Variants in PPFIA2 observed in about 807,000 individuals in gnomAD.
The protein encoded by PPFIA2 is liprin-alpha-2.
A neutral mutation model predicts 175.5 loss-of-function variants in PPFIA2; 46 were observed. The ratio of observed to expected loss-of-function variants is 0.26; its 90% CI spans 0.21 to 0.34. The LOEUF is 0.34. PPFIA2 is among the 10% of genes least tolerant of loss of function. PPFIA2 has a pLI of 1.00. For missense variants in PPFIA2, 1,179 were observed against 1,506.1 expected, an observed-to-expected ratio of 0.78 and a Z score of 3.60; for synonymous variants, 568 against 511.4, an observed-to-expected ratio of 1.11 and a Z score of -1.49.
chr12:81,412,797 T>G (rs924977726), intron 7 of PPFIA2, among the ~76,000 whole-genome samples: 1 of 152,078 alleles, frequency 6.6e-6, no homozygotes, highest in East Asian at 1.9e-4. Flanking sequence ...AAATTTGATG[T>G]ACATTAAACA....
intron 4 of PPFIA2, among the ~76,000 whole-genome samples, chr12:81,591,739 G>A (rs1272103154): frequency 6.6e-6 from 1 of 152,174 alleles, no homozygotes; most frequent in Admixed American, 6.5e-5. Flanking sequence ...AAGAATTGAG[G>A]TTTGGGACCT....
intron 16 of PPFIA2, among the ~76,000 whole-genome samples, chr12:81,356,934 T>C (rs1278332980): frequency 6.6e-6 from 1 of 152,146 alleles, no homozygotes; most frequent in Non-Finnish European, 1.5e-5. Flanking sequence ...ATACAAGAAA[T>C]CTTCCATTTG....
At chr12:81,296,362 G>A (rs142393777) in intron 23 of PPFIA2, among the ~76,000 whole-genome samples, 6 of 152,248 alleles carry the variant, frequency 3.9e-5, no homozygotes, top group African/African-American at 9.6e-5. Context: ...CAACTTTGCT[G>A]TGAGACTCTT....
intron 8 of PPFIA2, among the ~76,000 whole-genome samples, chr12:81,393,256 T>C (rs1203520087): frequency 6.6e-6 from 1 of 152,090 alleles, no homozygotes; most frequent in African/African-American, 2.4e-5. Flanking sequence ...TCTGTATAGT[T>C]TGAAGAGATG....
chr12:81,384,026 C>T lies in PPFIA2; in HGVS notation c.981G>A (p.Arg327=). ...GAAAGTGGCATGAATCACTTACCTC[C>T]CTAATGTCCCTTTGATACTTGGTGT... The part of the protein sequence containing the change: ...EMNTKYQRDI[R]EAMAQKEDME... Residue 327 remains arginine, a synonymous_variant, in exon 9 of 33, where the codon AGG becomes AGA. Transcript: ENST00000549396. The T allele has an allele frequency of 6.2e-7, 1 of 1,607,530 alleles. No homozygotes were observed. Among genetic ancestry groups the T allele is most frequent in the Non-Finnish European group, 8.5e-7 (1 of 1,174,746 alleles).
At chr12:81,495,130 T>A (rs917655157) in intron 4 of PPFIA2, among the ~76,000 whole-genome samples, 1 of 152,070 alleles carries the variant, frequency 6.6e-6, no homozygotes, top group Non-Finnish European at 1.5e-5. Flanking sequence ...AAGTGTCGTT[T>A]AGGACATCAG....
At chr12:81,626,530 T>C (rs10862331) in intron 4 of PPFIA2, among the ~76,000 whole-genome samples, 69,071 of 151,816 alleles carry the variant, frequency 0.45, 16,870 homozygotes, top group Middle Eastern at 0.58. Context: ...AATTTATCTC[T>C]TGTGCTGTTT....
chr12:81,755,172 G>C (rs1409601680), intron 2 of PPFIA2, among the ~76,000 whole-genome samples: 1 of 152,108 alleles, frequency 6.6e-6, no homozygotes, highest in African/African-American at 2.4e-5. Flanking sequence ...TAAACGAACT[G>C]TTTTCAGAAT....
intron 4 of PPFIA2, among the ~76,000 whole-genome samples, chr12:81,460,642 CCT>C (rs1461214247): frequency 6.6e-6 from 1 of 152,062 alleles, no homozygotes; most frequent in African/African-American, 2.4e-5. Flanking sequence ...TAACACTTTT[CCT>C]CTGACAGTTC....
chr12:81,303,762 C>A (rs958998291), intron 22 of PPFIA2, among the ~76,000 whole-genome samples: 1 of 152,108 alleles, frequency 6.6e-6, no homozygotes, highest in African/African-American at 2.4e-5. Context: ...AAAGGGTGTG[C>A]AGTCAAGAAA....
At chr12:81,718,668 T>C (rs111267745) in intron 3 of PPFIA2, among the ~76,000 whole-genome samples, 3 of 151,686 alleles carry the variant, frequency 2.0e-5, no homozygotes, top group African/African-American at 4.8e-5. Context: ...CTAAAATGTA[T>C]GGAAAGTGAC....
chr12:81,271,055 T>G (rs1270183393), intron 28 of PPFIA2, among the ~76,000 whole-genome samples: 1 of 152,200 alleles, frequency 6.6e-6, no homozygotes, highest in Non-Finnish European at 1.5e-5. Flanking sequence ...GTTTTCTATG[T>G]TCTTATATTG....
At chr12:81,520,349 G>A (rs1232605269) in intron 4 of PPFIA2, among the ~76,000 whole-genome samples, 1 of 152,108 alleles carries the variant, frequency 6.6e-6, no homozygotes, top group Non-Finnish European at 1.5e-5. Flanking sequence ...TACTCTGAAT[G>A]GTGGGTAGCA....
chr12:81,566,554 A>T (rs1313913481), intron 4 of PPFIA2, among the ~76,000 whole-genome samples: 1 of 143,532 alleles, frequency 7.0e-6, no homozygotes, highest in Non-Finnish European at 1.5e-5. Flanking sequence ...AAAAAAAAAG[A>T]AAAGAAAAGA....
chr12:81,479,945 G>A (rs1157576804), intron 4 of PPFIA2, among the ~76,000 whole-genome samples: 7 of 151,432 alleles, frequency 4.6e-5, no homozygotes, highest in African/African-American at 1.7e-4. Context: ...GAATTTGAAT[G>A]TTTGGCCTGT....
chr12:81,314,187 T>C (rs1205526810), intron 22 of PPFIA2, among the ~76,000 whole-genome samples: 2 of 151,932 alleles, frequency 1.3e-5, no homozygotes, highest in East Asian at 1.9e-4. Context: ...TCTATAGTTA[T>C]AAATGACCCA....
chr12:81,504,815 T>C (rs965684088), intron 4 of PPFIA2, among the ~76,000 whole-genome samples: 1 of 152,060 alleles, frequency 6.6e-6, no homozygotes, highest in African/African-American at 2.4e-5. Flanking sequence ...TATGCAGCCA[T>C]AAAAAAGGAT....
intron 4 of PPFIA2, among the ~76,000 whole-genome samples, chr12:81,654,242 T>C (rs940762296): frequency 6.6e-6 from 1 of 152,000 alleles, no homozygotes; most frequent in African/African-American, 2.4e-5. Flanking sequence ...TTGTATTATA[T>C]AAGATGTTGA....
intron 8 of PPFIA2, among the ~76,000 whole-genome samples, chr12:81,396,567 GT>G (rs2041167568): frequency 6.6e-6 from 1 of 152,036 alleles, no homozygotes; most frequent in Non-Finnish European, 1.5e-5. Flanking sequence ...AGAGCCTTGT[GT>G]AAGTGGAAAG....
Sources: allele counts gnomAD v4.1 joint callset (sites outside exome capture counted in the v4.1 genomes callset), GRCh38; gene constraint gnomAD v4.1.1; transcripts MANE v1.5; gene names NCBI Gene and HGNC (gene_info 2026-07-23, HGNC 2026-07-21).